Variants in RGS20 observed in about 807,000 individuals in gnomAD.
RGS20 encodes regulator of G protein signaling 20.
Under a neutral mutation model 33.6 loss-of-function variants are expected in RGS20, and 30 were observed. The observed-to-expected ratio is 0.89, with a 90% CI of 0.67 to 1.21. RGS20 has a LOEUF of 1.21. RGS20 is among the 50% of genes most tolerant of loss of function. RGS20 has a pLI of 0.00. For synonymous variants in RGS20, 208 were observed against 197.9 expected (o/e 1.05, Z -0.43); for missense variants, 472 against 502.4 (o/e 0.94, Z 0.58).
chr8:53,880,618 G>A (rs1812334662), intron 2 of RGS20, among the ~76,000 whole-genome samples: 3 of 152,208 alleles, frequency 2.0e-5, no homozygotes, highest in Admixed American at 1.3e-4. Flanking sequence ...TCGGCCCCGC[G>A]CGCCGAGGGG....
At chr8:53,886,782 A>G (rs1812558194) in intron 2 of RGS20, among the ~76,000 whole-genome samples, 1 of 152,216 alleles carries the variant, frequency 6.6e-6, no homozygotes, top group African/African-American at 2.4e-5. Context: ...TGCTGCTCTT[A>G]GACTAAGGAC....
chr8:53,886,999 A>G (rs978214121), intron 2 of RGS20: 4 of 154,814 alleles, frequency 2.6e-5, no homozygotes, highest in Non-Finnish European at 4.3e-5. Context: ...TTTATTAACT[A>G]ATACACAATT....
At chr8:53,922,723 A>C (rs1006780346) in intron 2 of RGS20, among the ~76,000 whole-genome samples, 11 of 152,112 alleles carry the variant, frequency 7.2e-5, no homozygotes, top group Admixed American at 5.9e-4. Flanking sequence ...CACAGGCTGG[A>C]GTGCAGTGGT....
At chr8:53,905,159 C>A (rs1366679474) in intron 2 of RGS20, among the ~76,000 whole-genome samples, 1 of 152,172 alleles carries the variant, frequency 6.6e-6, no homozygotes, top group African/African-American at 2.4e-5. Context: ...ATTCAAAAGT[C>A]TTTTGTTACT....
chr8:53,888,171 G>T (rs1186722477), intron 2 of RGS20, among the ~76,000 whole-genome samples: 2 of 151,978 alleles, frequency 1.3e-5, no homozygotes, highest in Non-Finnish European at 2.9e-5. Flanking sequence ...GCATTTAAGG[G>T]GGACTTTACA....
At chr8:53,895,046 A>G (rs552725276) in intron 2 of RGS20, among the ~76,000 whole-genome samples, 2 of 152,260 alleles carry the variant, frequency 1.3e-5, no homozygotes, top group South Asian at 2.1e-4. Context: ...GGAGGTGGAT[A>G]TGGGACTTAT....
At chr8:53,914,154 C>T (rs1813422334) in intron 2 of RGS20, among the ~76,000 whole-genome samples, 1 of 151,860 alleles carries the variant, frequency 6.6e-6, no homozygotes, top group Non-Finnish European at 1.5e-5. Flanking sequence ...CCTCAGCCTA[C>T]TGAGTAACTA....
intron 4 of RGS20, among the ~76,000 whole-genome samples, chr8:53,952,495 G>A (rs1814740305): frequency 6.6e-6 from 1 of 151,580 alleles, no homozygotes; most frequent in South Asian, 2.1e-4. Context: ...GGAGGCCAAG[G>A]TGGGTGGATC....
At chr8:53,943,124 AT>A (rs774008515) in intron 3 of RGS20, among the ~76,000 whole-genome samples, 14 of 152,228 alleles carry the variant, frequency 9.2e-5, no homozygotes, top group Non-Finnish European at 1.9e-4. Flanking sequence ...ATGAATTGGA[AT>A]GGTAAACAGT....
At chr8:53,944,953 GAC>G (rs941463847) in intron 3 of RGS20, among the ~76,000 whole-genome samples, 1 of 152,140 alleles carries the variant, frequency 6.6e-6, no homozygotes, top group Non-Finnish European at 1.5e-5. Flanking sequence ...GAATAAAAAA[GAC>G]AACAGTAACT....
chr8:53,862,347 T>C (rs1451928389), intron 1 of RGS20, among the ~76,000 whole-genome samples: 1 of 152,198 alleles, frequency 6.6e-6, no homozygotes, highest in Non-Finnish European at 1.5e-5. Context: ...CTGAGTAGTG[T>C]AATTTGGACC....
At chr8:53,905,336 A>AAAAAT (rs1813134805) in intron 2 of RGS20, among the ~76,000 whole-genome samples, 1 of 152,238 alleles carries the variant, frequency 6.6e-6, no homozygotes, top group Non-Finnish European at 1.5e-5. Flanking sequence ...AAAATCCACC[A>AAAAAT]GCTACTAAAC....
intron 2 of RGS20, among the ~76,000 whole-genome samples, chr8:53,922,416 A>T (rs73680373): frequency 0.048 from 7,333 of 152,196 alleles, 475 homozygotes; most frequent in African/African-American, 0.14. Flanking sequence ...TGTCTCTTGT[A>T]GACAGCATAT....
chr8:53,907,909 G>A (rs1813231143), intron 2 of RGS20, among the ~76,000 whole-genome samples: 1 of 152,170 alleles, frequency 6.6e-6, no homozygotes, highest in South Asian at 2.1e-4. Context: ...ATCAGAGGTA[G>A]GAGGTACGGT....
intron 1 of RGS20, among the ~76,000 whole-genome samples, chr8:53,875,841 C>T (rs1479200447): frequency 6.6e-6 from 1 of 152,132 alleles, no homozygotes; most frequent in African/African-American, 2.4e-5. Flanking sequence ...CTGAAGGAAC[C>T]TTAATAATAG....
At chr8:53,891,903 A>G (rs957978780) in intron 2 of RGS20, among the ~76,000 whole-genome samples, 1 of 151,412 alleles carries the variant, frequency 6.6e-6, no homozygotes, top group African/African-American at 2.4e-5. Flanking sequence ...TATTATTATT[A>G]TTACACTTTA....
intron 2 of RGS20, among the ~76,000 whole-genome samples, chr8:53,886,287 A>G (rs572833139): frequency 1.4e-4 from 22 of 152,250 alleles, no homozygotes; most frequent in African/African-American, 5.1e-4. Flanking sequence ...GCTCTTGGAG[A>G]GGCCATTCAC....
At chr8:53,887,524 G>A (rs1278572002) in intron 2 of RGS20, among the ~76,000 whole-genome samples, 6 of 152,182 alleles carry the variant, frequency 3.9e-5, no homozygotes, top group Admixed American at 3.9e-4. Context: ...GAAGAGATGG[G>A]TTAGACTGTG....
At chr8:53,880,841 G>T (rs981173123) in intron 2 of RGS20, 31 bp from the exon 1 acceptor site, 2 of 1,389,292 alleles carry the variant, frequency 1.4e-6, no homozygotes, top group East Asian at 5.8e-5. Flanking sequence ...TGCCCGGCCG[G>T]GTAAAAGGAG....
Sources: allele counts gnomAD v4.1 joint callset (sites outside exome capture counted in the v4.1 genomes callset), GRCh38; gene constraint gnomAD v4.1.1; transcripts MANE v1.5; gene names NCBI Gene and HGNC (gene_info 2026-07-23, HGNC 2026-07-21).